Variants in GPRC5B observed in about 807,000 individuals in gnomAD.
The protein encoded by GPRC5B is G protein-coupled receptor family C group 5 member B.
In GPRC5B, 16 loss-of-function variants were observed where a neutral mutation model predicts 30.1. The ratio of observed to expected loss-of-function variants is 0.53; its 90% CI spans 0.36 to 0.81. GPRC5B has a LOEUF of 0.81. Among genes scored for constraint, GPRC5B ranks in the 30% least tolerant of loss-of-function variants. The pLI, the probability that GPRC5B is intolerant of heterozygous loss-of-function variation, is 0.01. For missense variants in GPRC5B, 428 were observed against 544.7 expected, an observed-to-expected ratio of 0.79 and a Z score of 2.13; for synonymous variants, 241 against 239.5, an observed-to-expected ratio of 1.01 and a Z score of -0.06.
intron 1 of GPRC5B, among the ~76,000 whole-genome samples, chr16:19,874,288 C>A (rs920945234): frequency 6.6e-6 from 1 of 152,128 alleles, no homozygotes; most frequent in Admixed American, 6.6e-5. Flanking sequence ...TCTCCTCTTG[C>A]CCCTCTGCTC....
chr16:19,871,610 G>A (rs912564462), intron 2 of GPRC5B, among the ~76,000 whole-genome samples: 21 of 152,306 alleles, frequency 1.4e-4, no homozygotes, highest in Admixed American at 1.2e-3. Context: ...TGACAAGAGC[G>A]AAAATCTGTC....
intron 1 of GPRC5B, among the ~76,000 whole-genome samples, chr16:19,884,211 A>G (rs1288910260): frequency 7.5e-6 from 1 of 133,018 alleles, no homozygotes; most frequent in Non-Finnish European, 1.6e-5. Context: ...AGTAATGCGC[A>G]CTCAAGCCGG....
At chr16:19,880,776 A>G (rs1341934099) in intron 1 of GPRC5B, among the ~76,000 whole-genome samples, 1 of 152,360 alleles carries the variant, frequency 6.6e-6, no homozygotes, top group East Asian at 1.9e-4. Context: ...GGGAACCAGC[A>G]TCCTCATCTT....
intron 1 of GPRC5B, among the ~76,000 whole-genome samples, chr16:19,878,197 T>A (rs571263862): frequency 0.011 from 966 of 90,620 alleles, 13 homozygotes; most frequent in African/African-American, 0.047. Flanking sequence ...AGACTCCGTC[T>A]TAAAAACAAA....
intron 3 of GPRC5B, 113 bp from the exon 4 acceptor site, chr16:19,860,657 A>T (rs956535192): frequency 6.0e-6 from 4 of 669,640 alleles, no homozygotes; most frequent in African/African-American, 5.4e-5. Context: ...TTTTACCTAG[A>T]TGGGTCGAAT....
chr16:19,860,519 G>A lies in GPRC5B; in HGVS notation c.1193C>T (p.Thr398Ile), dbSNP rs930922267. 3.7e-6 allele frequency: 6 copies of A among 1,600,242 alleles called. No individual in the cohort carries two copies. The highest frequency in any genetic ancestry group is 3.4e-6 in the Non-Finnish European group (4 of 1,167,440). The change falls in exon 4 of 4, where the codon ACA becomes ATA. Residue 398 changes from threonine (T) to isoleucine (I), a missense_variant. Thr to Ile is a moderately conservative substitution (Grantham distance 89). Coordinates refer to ENST00000300571, the MANE Select transcript of GPRC5B (RefSeq NM_016235.3). ...GTIPTAPPSH[T>I]GRHLW The stretch of plus-strand genomic sequence containing the variant: ...AGTCTTTCACCAAAGGTGTCTTCCT[G>A]TGTGACTTGGCGGAGCAGTTGGGAT...
chr16:19,869,199 T>G (rs1180924723), intron 2 of GPRC5B, among the ~76,000 whole-genome samples: 1 of 151,738 alleles, frequency 6.6e-6, no homozygotes, highest in Non-Finnish European at 1.5e-5. Flanking sequence ...CGTGATGGCA[T>G]GCACCTGTAA....
At chr16:19,861,531 CAA>C (rs1241393229) in intron 3 of GPRC5B, among the ~76,000 whole-genome samples, 2 of 152,138 alleles carry the variant, frequency 1.3e-5, no homozygotes, top group Non-Finnish European at 2.9e-5. Flanking sequence ...GGGCTTTTTC[CAA>C]AAGTCACCTC....
At chr16:19,861,296 C>T (rs1045958753) in intron 3 of GPRC5B, among the ~76,000 whole-genome samples, 4 of 152,072 alleles carry the variant, frequency 2.6e-5, no homozygotes, top group African/African-American at 4.8e-5. Context: ...AGGAGGCAAA[C>T]GTAAACAATG....
chr16:19,872,348 C>A lies in GPRC5B; in HGVS notation c.498G>T (p.Ala166=), dbSNP rs1288522295. 1 of 1,613,766 alleles carries A rather than the reference C, an allele frequency of 6.2e-7. No individual in the cohort carries two copies. The highest frequency in any genetic ancestry group is 8.5e-7 in the Non-Finnish European group (1 of 1,179,932). ...TGACTTGCACCAGCATCAGGCACAG[C>A]GCCAGGCCCACCAGCTGCCAGCCCG... ...GPAGWQLVGL[A]LCLMLVQVII... The change falls in exon 2 of 4, where the codon GCG becomes GCT. Residue 166 remains alanine, a synonymous_variant. Coordinates refer to ENST00000300571, the MANE Select transcript of GPRC5B (RefSeq NM_016235.3). The surrounding 1 kb of genome is among the most constrained non-coding windows in gnomAD (Gnocchi z 5.0).
In GPRC5B at chr16:19,872,530, G is replaced by C. The variant is rs1318193741; in HGVS notation, c.316C>G (p.Leu106Val). ...HFLFLLGTLG[L>V]FGLTFAFIIQ... ...ATGAAGGCAAACGTCAGCCCAAAGAGGCCCAGGGTCCCCAGGAGGAACAGA... is the reference window on the plus strand; with the variant it reads ...ATGAAGGCAAACGTCAGCCCAAAGACGCCCAGGGTCCCCAGGAGGAACAGA... The change falls in exon 2 of 4, where the codon CTC becomes GTC. Residue 106 changes from leucine (L) to valine (V), a missense_variant. Around this residue, in one of 3 missense-constraint regions of GPRC5B, gnomAD observed 196 missense variants for 272.6 expected, o/e 0.72. Transcript: ENST00000300571. The surrounding 1 kb of genome is among the most constrained non-coding windows in gnomAD (Gnocchi z 5.0). 6.2e-7 allele frequency: 1 copy of C among 1,614,056 alleles called. No individual in the cohort carries two copies.
intron 1 of GPRC5B, among the ~76,000 whole-genome samples, chr16:19,883,893 T>C (rs1307878258): frequency 6.6e-6 from 1 of 152,140 alleles, no homozygotes; most frequent in East Asian, 1.9e-4. Context: ...CCAAGGCGGG[T>C]GCGGGCTCCT....
intron 1 of GPRC5B, among the ~76,000 whole-genome samples, chr16:19,881,956 G>A (rs2056810781): frequency 6.6e-6 from 1 of 152,168 alleles, no homozygotes; most frequent in African/African-American, 2.4e-5. Context: ...AATCCCTCAC[G>A]TGTGGCAGAG....
Position 19,872,503 on chromosome 16 carries a change from T to C in GPRC5B, c.343A>G (p.Ile115Val), listed in dbSNP as rs2056729978. The C allele has an allele frequency of 1.9e-6, 3 of 1,613,764 alleles. No individual in the cohort carries two copies. The highest frequency in any genetic ancestry group is 1.3e-5 in the African/African-American group (1 of 74,920). ...GAGCAGATGGTCTCGTCCTCCTGGA[T>C]GATGAAGGCAAACGTCAGCCCAAAG... ...GLFGLTFAFIIQEDETICSVR... is the reference protein window; with the variant it reads ...GLFGLTFAFIVQEDETICSVR... The change falls in exon 2 of 4, where the codon ATC becomes GTC. Residue 115 changes from isoleucine to valine, a missense_variant. This residue lies in a region of GPRC5B where 196 missense variants were observed against 272.6 expected (regional missense o/e 0.72). Coordinates refer to ENST00000300571, the MANE Select transcript of GPRC5B (RefSeq NM_016235.3). The surrounding 1 kb of genome is among the most constrained non-coding windows in gnomAD (Gnocchi z 5.0).
chr16:19,882,205 T>G (rs2056813167), intron 1 of GPRC5B: 1 of 152,222 alleles, frequency 6.6e-6, no homozygotes. Flanking sequence ...ACTGGCCCAT[T>G]TGAGGGCTCT....
intron 3 of GPRC5B, among the ~76,000 whole-genome samples, chr16:19,861,104 A>AAAAAAT (rs3067835): frequency 6.6e-6 from 1 of 151,314 alleles, no homozygotes; most frequent in South Asian, 2.1e-4. Context: ...AAAAAAAAAA[A>AAAAAAT]GAAGAATGCT....
upstream of GPRC5B, chr16:19,885,374 T>G: frequency 8.4e-6 from 10 of 1,188,396 alleles, no homozygotes; most frequent in Non-Finnish European, 9.6e-6. The surrounding 1 kb of genome is among the most constrained non-coding windows in gnomAD (Gnocchi z 5.3). Context: ...AACGCCCCGG[T>G]ATACACCTAG....
intron 2 of GPRC5B, among the ~76,000 whole-genome samples, chr16:19,865,113 T>C (rs1430292987): frequency 6.6e-6 from 1 of 151,782 alleles, no homozygotes; most frequent in African/African-American, 2.4e-5. Context: ...CTCCCTATGC[T>C]ACTCAGGCTG....
At chr16:19,884,956 C>T, upstream of GPRC5B, 1 of 827,756 alleles carries the variant, frequency 1.2e-6, no homozygotes, top group East Asian at 1.3e-4. Flanking sequence ...CGCCCCCGGG[C>T]CTCCGAGCCC....
Sources: gnomAD v4.1 joint callset for allele counts (sites outside exome capture counted in the v4.1 genomes callset) on GRCh38, gnomAD v4.1.1 for gene constraint, gnomAD v4.1.1 regional missense constraint, Gnocchi (gnomAD v3.1) non-coding constraint, MANE v1.5 for transcripts, NCBI Gene and HGNC (gene_info 2026-07-23, HGNC 2026-07-21) for gene names.